Variants in GPRC5B observed in about 807,000 individuals in gnomAD.
The protein encoded by GPRC5B is G protein-coupled receptor class C group 5 member B, also known as G protein-coupled receptor family C group 5 member B.
GPRC5B carries 16 observed loss-of-function variants against 30.1 expected under a neutral mutation model. That is an observed-to-expected ratio of 0.53 (90% CI 0.36 to 0.81). The LOEUF is 0.81. GPRC5B is among the 30% of genes least tolerant of loss of function. The pLI is 0.01. For synonymous variants in GPRC5B, 241 were observed against 239.5 expected, an observed-to-expected ratio of 1.01 and a Z score of -0.06; for missense variants, 428 against 544.7, an observed-to-expected ratio of 0.79 and a Z score of 2.13.
chr16:19,861,679 GAAAGAAGAAAAATAA>G (rs2056623521), intron 3 of GPRC5B, among the ~76,000 whole-genome samples, 143 bp downstream of exon 3: 1 of 152,172 alleles, frequency 6.6e-6, no homozygotes, highest in African/African-American at 2.4e-5. Context: ...GGTAGAAAGG[GAAAGAAGAAAAATAA>G]AAGCATTGCA....
intron 2 of GPRC5B, among the ~76,000 whole-genome samples, chr16:19,871,072 C>T (rs1597628149): frequency 6.6e-6 from 1 of 151,500 alleles, no homozygotes; most frequent in East Asian, 1.9e-4. Flanking sequence ...TCATTTGAGC[C>T]CCGGAGTTTG....
chr16:19,872,979 A>G lies in GPRC5B; in HGVS notation c.-1-133T>C, dbSNP rs1435996970. On this transcript the variant is annotated intron_variant, in intron 1 of 3. Coordinates refer to ENST00000300571, the MANE Select transcript of GPRC5B (RefSeq NM_016235.3). This position sits in a 1 kb window ranked among gnomAD's most constrained non-coding sequence, Gnocchi z 5.0. ...AAGCGCACACGGCACCTTTGCACAC[A>G]TAGGAAAACGTGCTCCTTTCCTCAG... 3.1e-6 allele frequency: 2 copies of G among 651,504 alleles called. No homozygotes were observed. The highest frequency in any genetic ancestry group is 2.7e-5 in the East Asian group (1 of 37,202). 40.4% of individuals were successfully genotyped at this position (651,504 alleles called of 1,614,324 possible). A position where few individuals can be genotyped will look rare whatever the true frequency, so the allele number is the denominator to read the frequency against.
chr16:19,869,202 A>G (rs2056692212), intron 2 of GPRC5B, among the ~76,000 whole-genome samples: 1 of 151,752 alleles, frequency 6.6e-6, no homozygotes, highest in Admixed American at 6.6e-5. Context: ...GATGGCATGC[A>G]CCTGTAATCC....
chr16:19,877,795 C>T (rs764366335), intron 1 of GPRC5B, among the ~76,000 whole-genome samples: 10 of 152,270 alleles, frequency 6.6e-5, no homozygotes, highest in Admixed American at 3.3e-4. Context: ...AGGGGAGAGG[C>T]GAGACACAAA....
At chr16:19,861,406 CTT>C (rs2056621427) in intron 3 of GPRC5B, among the ~76,000 whole-genome samples, 1 of 152,122 alleles carries the variant, frequency 6.6e-6, no homozygotes, top group African/African-American at 2.4e-5. Context: ...TAAGACATCT[CTT>C]AGGGAATGGG....
intron 1 of GPRC5B, among the ~76,000 whole-genome samples, chr16:19,879,659 G>A (rs943923066): frequency 2.6e-5 from 4 of 152,120 alleles, no homozygotes; most frequent in Non-Finnish European, 4.4e-5. Flanking sequence ...CCCAGTTTCC[G>A]ATAATGTCCC....
chr16:19,869,351 AAAGAC>A (rs1416305279), intron 2 of GPRC5B, among the ~76,000 whole-genome samples: 1 of 151,806 alleles, frequency 6.6e-6, no homozygotes, highest in South Asian at 2.1e-4. Context: ...AAAAAAAAAA[AAAGAC>A]AGATTCACAA....
Position 19,872,517 on chromosome 16 carries a change from G to A in GPRC5B, c.329C>T (p.Thr110Met), listed in dbSNP as rs371774176. The change falls in exon 2 of 4, where the codon ACG becomes ATG. Residue 110 changes from threonine to methionine, a missense_variant. Coordinates refer to ENST00000300571, the MANE Select transcript of GPRC5B (RefSeq NM_016235.3). The surrounding 1 kb of genome is among the most constrained non-coding windows in gnomAD (Gnocchi z 5.0). ...LLGTLGLFGL[T>M]FAFIIQEDET... The stretch of plus-strand genomic sequence containing the variant: ...GTCCTCCTGGATGATGAAGGCAAAC[G>A]TCAGCCCAAAGAGGCCCAGGGTCCC... 33 of 1,613,816 alleles carry A rather than the reference G, an allele frequency of 2.0e-5. No homozygotes were observed. Among genetic ancestry groups the A allele is most frequent in the Non-Finnish European group, 2.5e-5 (29 of 1,179,828 alleles).
intron 1 of GPRC5B, among the ~76,000 whole-genome samples, chr16:19,878,315 T>C (rs2056776203): frequency 6.6e-6 from 1 of 151,904 alleles, no homozygotes; most frequent in African/African-American, 2.4e-5. Flanking sequence ...TATTTGATTT[T>C]ACTTTTTTGA....
intron 1 of GPRC5B, among the ~76,000 whole-genome samples, chr16:19,881,290 T>C (rs114619246): frequency 0.024 from 3,617 of 152,214 alleles, 125 homozygotes; most frequent in African/African-American, 0.083. Flanking sequence ...AAAAATAGTC[T>C]GGGCCAGGCG....
At chr16:19,882,565 G>A (rs921567543) in intron 1 of GPRC5B, among the ~76,000 whole-genome samples, 6 of 152,074 alleles carry the variant, frequency 3.9e-5, no homozygotes, top group South Asian at 2.1e-4. Flanking sequence ...GGCTCAAAGC[G>A]GTCCCCCAAG....
At chr16:19,864,058 A>G (rs2056648268) in intron 2 of GPRC5B, among the ~76,000 whole-genome samples, 1 of 152,036 alleles carries the variant, frequency 6.6e-6, no homozygotes, top group Non-Finnish European at 1.5e-5. Context: ...AAGCCCAACT[A>G]ACACCCTACC....
chr16:19,879,212 C>T (rs1045828471), intron 1 of GPRC5B, among the ~76,000 whole-genome samples: 3 of 151,824 alleles, frequency 2.0e-5, no homozygotes, highest in Non-Finnish European at 4.4e-5. Context: ...GAGTCAGCCT[C>T]GAGGCAGGAT....
intron 2 of GPRC5B, among the ~76,000 whole-genome samples, chr16:19,869,001 G>T (rs1200262244): frequency 6.6e-6 from 1 of 152,138 alleles, no homozygotes; most frequent in Non-Finnish European, 1.5e-5. Flanking sequence ...TCATTAGGTG[G>T]TAGTGAGGAC....
upstream of GPRC5B, chr16:19,885,144 C>T: frequency 8.5e-7 from 1 of 1,180,088 alleles, no homozygotes; most frequent in Non-Finnish European, 1.1e-6. The surrounding 1 kb of genome is among the most constrained non-coding windows in gnomAD (Gnocchi z 5.3). Context: ...CCAGACGAGC[C>T]GGGCAACTCC....
chr16:19,863,491 C>CTTTTTT (rs10541805), intron 2 of GPRC5B, among the ~76,000 whole-genome samples: 3 of 82,270 alleles, frequency 3.6e-5, no homozygotes, highest in Non-Finnish European at 6.7e-5. Flanking sequence ...AATCTGTGTT[C>CTTTTTT]TTTTTTTTTT....
intron 1 of GPRC5B, among the ~76,000 whole-genome samples, chr16:19,878,813 G>A (rs1039896852): frequency 6.6e-6 from 1 of 152,160 alleles, no homozygotes; most frequent in Non-Finnish European, 1.5e-5. Context: ...ATTTATAGAG[G>A]AGGAAACTGA....
intron 2 of GPRC5B, among the ~76,000 whole-genome samples, chr16:19,864,030 C>T (rs1327001700): frequency 6.6e-6 from 1 of 151,970 alleles, no homozygotes; most frequent in Non-Finnish European, 1.5e-5. Flanking sequence ...TTTTTTATTA[C>T]TTGCAACTTA....
intron 2 of GPRC5B, among the ~76,000 whole-genome samples, chr16:19,866,152 C>T (rs1470131830): frequency 6.6e-6 from 1 of 152,064 alleles, no homozygotes; most frequent in Non-Finnish European, 1.5e-5. Flanking sequence ...TGGTCTCAAA[C>T]TCCTGACCTT....
Sources: gnomAD v4.1 joint callset for allele counts (sites outside exome capture counted in the v4.1 genomes callset) on GRCh38, gnomAD v4.1.1 for gene constraint, Gnocchi (gnomAD v3.1) non-coding constraint, MANE v1.5 for transcripts, NCBI Gene and HGNC (gene_info 2026-07-23, HGNC 2026-07-21) for gene names.